The following RBM33 variants were observed in gnomAD, a reference collection of about 807,000 sequenced individuals.
RBM33 encodes RNA-binding protein 33.
In RBM33, 28 loss-of-function variants were observed where a neutral mutation model predicts 132.6. That is an observed-to-expected ratio of 0.21 (90% CI 0.16 to 0.29). RBM33 has a LOEUF of 0.29. Ranked by LOEUF, RBM33 falls within the 10% of genes least tolerant of loss-of-function variation. The probability of loss-of-function intolerance (pLI) is 1.00; values close to 1 mark genes in which losing one functional copy is unlikely to be tolerated. For synonymous variants in RBM33, 634 were observed against 593.0 expected, an observed-to-expected ratio of 1.07 and a Z score of -1.01; for missense variants, 1,291 against 1,518.5, an observed-to-expected ratio of 0.85 and a Z score of 2.49.
intron 9 of RBM33, among the ~76,000 whole-genome samples, chr7:155,726,337 G>GC (rs1039565689): frequency 2.0e-5 from 3 of 151,528 alleles, no homozygotes; most frequent in African/African-American, 4.8e-5. Context: ...TTTGTGCTAA[G>GC]CAATTTATGC....
intron 9 of RBM33, among the ~76,000 whole-genome samples, chr7:155,721,824 A>C (rs1171750128): frequency 1.3e-5 from 2 of 152,194 alleles, no homozygotes. Context: ...TAGTTAGACT[A>C]ATATTTTTAT....
chr7:155,697,517 CTT>C (rs1215549070), intron 5 of RBM33, among the ~76,000 whole-genome samples: 1 of 151,958 alleles, frequency 6.6e-6, no homozygotes, highest in Non-Finnish European at 1.5e-5. Context: ...GCATTAAAAA[CTT>C]AGTGAGCTTT....
chr7:155,721,302 G>A (rs2116995598), intron 9 of RBM33, among the ~76,000 whole-genome samples: 1 of 152,254 alleles, frequency 6.6e-6, no homozygotes, highest in East Asian at 1.9e-4. Flanking sequence ...AGAGGCGGGA[G>A]GGAGCACATA....
chr7:155,669,417 A>G (rs1798885845), intron 2 of RBM33, among the ~76,000 whole-genome samples: 2 of 152,170 alleles, frequency 1.3e-5, no homozygotes. Flanking sequence ...CAGTGGTGCG[A>G]TATCAGCTCA....
intron 14 of RBM33, among the ~76,000 whole-genome samples, chr7:155,748,220 C>T (rs1017287495): frequency 1.1e-4 from 16 of 152,208 alleles, no homozygotes; most frequent in Non-Finnish European, 4.4e-5. Context: ...TCGCGTTTCC[C>T]ATTTTTTCTA....
intron 16 of RBM33, chr7:155,766,975 T>G (rs891482349): frequency 1.3e-5 from 4 of 318,694 alleles, no homozygotes; most frequent in African/African-American, 2.2e-5. Context: ...TTCTATCAAA[T>G]GACTTGTTTT....
intron 12 of RBM33, 42 bp from the exon 13 acceptor site, chr7:155,741,777 A>C: frequency 2.6e-6 from 4 of 1,560,344 alleles, no homozygotes; most frequent in Non-Finnish European, 3.5e-6. Context: ...CCTTCTGCCA[A>C]GTTTCCACTT....
chr7:155,762,081 G>A (rs1172589159), intron 14 of RBM33, among the ~76,000 whole-genome samples: 1 of 152,250 alleles, frequency 6.6e-6, no homozygotes, highest in African/African-American at 2.4e-5. Flanking sequence ...TTGTGCTCAG[G>A]TCTCTGGACC....
At position 155,736,816 on chromosome 7, in the gene RBM33, A is replaced by G. The variant is rs561669757; in HGVS notation, c.1261-714A>G. Among the ~76,000 whole-genome samples the G allele has an allele frequency of 7.9e-5, 12 of 152,336 alleles. No individual in the cohort carries two copies. In the South Asian group the frequency reaches 2.5e-3, roughly 32 times the overall value. On this transcript the variant is annotated intron_variant, in intron 9 of 17. Coordinates refer to ENST00000401878, the MANE Select transcript of RBM33 (RefSeq NM_053043.3). ...AATGTCATGACATTTAGTGTTTTGG[A>G]TTAATGGGAAATAGGCCAATAATTG...
In RBM33 at chr7:155,711,274, G is replaced by A. The variant is rs768949990; in HGVS notation, c.1020G>A (p.Pro340=). ...QPIRSLFQPQ[P]LQPLLPVQHP... ...TCAGAAGCCTGTTCCAGCCGCAGCC[G>A]CTGCAGCCGCTGCTTCCGGTGCAGC... The change falls in exon 8 of 18, where the codon CCG becomes CCA. Residue 340 remains proline (P), a synonymous_variant. Coordinates refer to ENST00000401878, the MANE Select transcript of RBM33 (RefSeq NM_053043.3). 1.4e-5 allele frequency: 22 copies of A among 1,602,182 alleles called. 1 individual carries two copies. The Admixed American group carries it at 1.4e-4, about 10-fold the overall frequency.
intron 5 of RBM33, among the ~76,000 whole-genome samples, chr7:155,692,930 A>G (rs1456530435): frequency 6.6e-6 from 1 of 152,224 alleles, no homozygotes; most frequent in Non-Finnish European, 1.5e-5. Context: ...GCCTAACCTT[A>G]AAGTGTAATG....
At chr7:155,658,416 GTCTC>G (rs1167227495) in intron 1 of RBM33, among the ~76,000 whole-genome samples, 1 of 135,676 alleles carries the variant, frequency 7.4e-6, no homozygotes, top group African/African-American at 2.8e-5. Context: ...GAGACGGAGT[GTCTC>G]TCTGTCGCCC....
intron 8 of RBM33, among the ~76,000 whole-genome samples, chr7:155,715,700 G>T (rs1409212713): frequency 6.6e-6 from 1 of 152,226 alleles, no homozygotes; most frequent in East Asian, 1.9e-4. Context: ...GAAGGACAAA[G>T]TGTTCTTGCT....
intron 5 of RBM33, among the ~76,000 whole-genome samples, chr7:155,684,489 C>G (rs952006761): frequency 5.9e-5 from 9 of 152,180 alleles, no homozygotes; most frequent in Admixed American, 6.5e-5. Flanking sequence ...GAGAAACATA[C>G]TAATCACGAT....
rs572094691 is a variant in RBM33, at chr7:155,668,515, G to A, written c.122+3262G>A. Among the ~76,000 whole-genome samples the A allele has an allele frequency of 7.2e-5, 11 of 152,308 alleles. No homozygotes were observed. The East Asian group carries it at 1.9e-3, about 27-fold the overall frequency. ...GGGGGAGGGGCCGGGGTGTGGCAGT[G>A]TAGTAAGTATTGCTGTGTTCCTCAT... On this transcript the variant is annotated intron_variant, in intron 2 of 17. Coordinates refer to ENST00000401878, the MANE Select transcript of RBM33 (RefSeq NM_053043.3).
chr7:155,663,648 A>G (rs1466125653), intron 1 of RBM33, among the ~76,000 whole-genome samples: 1 of 152,170 alleles, frequency 6.6e-6, no homozygotes, highest in East Asian at 1.9e-4. Flanking sequence ...TGTATATTCA[A>G]ACTGTATCAG....
At chr7:155,663,959 T>C (rs1470405725) in intron 1 of RBM33, among the ~76,000 whole-genome samples, 2 of 152,222 alleles carry the variant, frequency 1.3e-5, no homozygotes, top group Non-Finnish European at 2.9e-5. Context: ...TTAAAATACG[T>C]TGTCAAATTT....
At chr7:155,707,461 T>C in intron 7 of RBM33, 2 of 359,342 alleles carry the variant, frequency 5.6e-6, no homozygotes, top group South Asian at 4.4e-5. Flanking sequence ...TAAAAATATC[T>C]TTACCTTTTT....
Position 155,700,837 on chromosome 7 carries a change from A to G in RBM33, c.632A>G (p.Asp211Gly), listed in dbSNP as rs1422237886. Residue 211 changes from aspartate (D) to glycine (G), a missense_variant, in exon 6 of 18, where the codon GAT (aspartate) becomes GGT (glycine). Around this residue, in one of 7 missense-constraint regions of RBM33, gnomAD observed 194 missense variants for 249.8 expected, o/e 0.78. Transcript: ENST00000401878. The part of the protein sequence containing the change: ...IKEESDEEEE[D>G]DEESGRLRFK... ...GAAGAATCAGATGAAGAAGAAGAAG[A>G]TGATGAAGAATCTGGACGATTACGT... 6 of 1,605,594 alleles carry G rather than the reference A, an allele frequency of 3.7e-6. No homozygotes were observed. The highest frequency in any genetic ancestry group is 5.1e-6 in the Non-Finnish European group (6 of 1,175,680).
Sources: allele counts gnomAD v4.1 joint callset (sites outside exome capture counted in the v4.1 genomes callset), GRCh38; gene constraint gnomAD v4.1.1; regional missense constraint gnomAD v4.1.1; transcripts MANE v1.5; gene names NCBI Gene and HGNC (gene_info 2026-07-23, HGNC 2026-07-21).